Variants in ZFAT observed in about 807,000 individuals in gnomAD.
ZFAT encodes the protein zinc finger protein ZFAT.
Under a neutral mutation model 117.7 loss-of-function variants are expected in ZFAT, and 64 were observed. The ratio of observed to expected loss-of-function variants is 0.54; its 90% confidence interval spans 0.44 to 0.67. The LOEUF (loss-of-function observed/expected upper bound fraction) is 0.67. Ranked by LOEUF, ZFAT falls within the 30% of genes least tolerant of loss-of-function variation. ZFAT has a pLI of 0.00. For synonymous variants in ZFAT, 679 were observed against 615.0 expected (o/e 1.10, Z -1.54); for missense variants, 1,433 against 1,584.5 (o/e 0.90, Z 1.62).
chr8:134,732,603 G>A, the ZFAT span, among the ~76,000 whole-genome samples: 6 of 152,346 alleles, frequency 3.9e-5, no homozygotes, highest in South Asian at 2.1e-4. Context: ...GGGGTAGGGT[G>A]AAGTTCTACT....
At chr8:134,819,291 G>A in the ZFAT span, among the ~76,000 whole-genome samples, 1 of 150,704 alleles carries the variant, frequency 6.6e-6, no homozygotes, top group African/African-American at 2.4e-5. Context: ...GGAAAAAAAA[G>A]AATGATCTTT....
At chr8:134,832,294 G>A in the ZFAT span, among the ~76,000 whole-genome samples, 1 of 151,950 alleles carries the variant, frequency 6.6e-6, no homozygotes, top group Non-Finnish European at 1.5e-5. Flanking sequence ...TCCCTCCAGT[G>A]TGTCTGAGGG....
At chr8:134,750,483 T>C in the ZFAT span, among the ~76,000 whole-genome samples, 2 of 152,168 alleles carry the variant, frequency 1.3e-5, no homozygotes, top group Non-Finnish European at 2.9e-5. Context: ...CAGTACAACA[T>C]TGACTAGAAG....
intron 1 of ZFAT, among the ~76,000 whole-genome samples, chr8:134,709,709 C>T (rs1296977784): frequency 6.6e-6 from 1 of 152,172 alleles, no homozygotes; most frequent in African/African-American, 2.4e-5. Context: ...TCTTGACTGC[C>T]CTTGCTCTAG....
chr8:134,783,473 C>T, the ZFAT span, among the ~76,000 whole-genome samples: 2 of 152,186 alleles, frequency 1.3e-5, no homozygotes, highest in Non-Finnish European at 2.9e-5. Flanking sequence ...ACACCTCCCC[C>T]CTTACCCCTG....
intron 15 of ZFAT, among the ~76,000 whole-genome samples, chr8:134,482,946 G>C (rs1817417472): frequency 6.6e-6 from 1 of 152,148 alleles, no homozygotes; most frequent in African/African-American, 2.4e-5. Flanking sequence ...TTCACAAGTG[G>C]CTCTGCTGGC....
At chr8:134,545,737 G>A (rs765576558) in intron 11 of ZFAT, among the ~76,000 whole-genome samples, 1 of 152,138 alleles carries the variant, frequency 6.6e-6, no homozygotes, top group South Asian at 2.1e-4. Flanking sequence ...GGTGACTTTT[G>A]GGACAGAGAA....
At chr8:134,827,211 C>A in the ZFAT span, among the ~76,000 whole-genome samples, 6 of 152,242 alleles carry the variant, frequency 3.9e-5, no homozygotes, top group South Asian at 1.2e-3. Flanking sequence ...GCCACCACAT[C>A]CAGCTAACTG....
intron 7 of ZFAT, among the ~76,000 whole-genome samples, chr8:134,597,321 A>G (rs984764652): frequency 6.6e-6 from 1 of 152,168 alleles, no homozygotes; most frequent in African/African-American, 2.4e-5. Context: ...ATGCTATCTT[A>G]CTATGTTGGC....
chr8:134,510,668 C>A, intron 14 of ZFAT: 1 of 156,060 alleles, frequency 6.4e-6, no homozygotes, highest in South Asian at 2.0e-4. Flanking sequence ...GCCAACCACT[C>A]CGAACATGCA....
At chr8:134,651,208 T>C (rs188429991) in intron 2 of ZFAT, among the ~76,000 whole-genome samples, 3 of 152,140 alleles carry the variant, frequency 2.0e-5, no homozygotes, top group Admixed American at 6.5e-5. Context: ...TGAAAACAAA[T>C]ATTCATGTGA....
At chr8:134,559,247 CTTTG>C (rs1263600952) in intron 11 of ZFAT, among the ~76,000 whole-genome samples, 1 of 152,170 alleles carries the variant, frequency 6.6e-6, no homozygotes. Flanking sequence ...GGTTATGTTT[CTTTG>C]TTTATTTTGC....
intron 1 of ZFAT, among the ~76,000 whole-genome samples, chr8:134,695,822 T>A (rs1485077480): frequency 2.2e-5 from 3 of 134,664 alleles, no homozygotes; most frequent in Non-Finnish European, 4.6e-5. Context: ...CCTGACTGCG[T>A]CTCTAATCAA....
At chr8:134,756,742 G>A in the ZFAT span, among the ~76,000 whole-genome samples, 2 of 152,238 alleles carry the variant, frequency 1.3e-5, no homozygotes, top group Non-Finnish European at 2.9e-5. Flanking sequence ...TTTAGGACAA[G>A]TGAAGGGCCA....
At chr8:134,507,424 C>A (rs1819498319) in intron 15 of ZFAT, among the ~76,000 whole-genome samples, 1 of 152,064 alleles carries the variant, frequency 6.6e-6, no homozygotes, top group South Asian at 2.1e-4. Context: ...AGGTGCGGGG[C>A]CAGGCAGACA....
upstream of ZFAT, among the ~76,000 whole-genome samples, chr8:134,715,944 A>C (rs1348557702): frequency 3.9e-5 from 6 of 152,136 alleles, no homozygotes; most frequent in Non-Finnish European, 8.8e-5. Flanking sequence ...GTTTTGATAA[A>C]GGATACATAC....
rs569616170 is a variant in ZFAT, at chr8:134,669,375, G to C, written c.20-11638C>G. ...CAGAAAAGTCGGGTTACCCACAAAG[G>C]GAAGCCCATCTGACTAACAACGGAT... is the stretch of plus-strand genomic sequence containing the variant. On this transcript the variant is annotated intron_variant, in intron 1 of 15. Transcript: ENST00000377838. Among the ~76,000 whole-genome samples, 16 of 152,284 alleles carry C rather than the reference G, an allele frequency of 1.1e-4. No homozygotes were observed. The East Asian group carries it at 3.1e-3, about 29-fold the overall frequency.
intron 1 of ZFAT, among the ~76,000 whole-genome samples, chr8:134,670,982 T>C (rs200112804): frequency 6.6e-5 from 10 of 151,804 alleles, no homozygotes; most frequent in African/African-American, 2.4e-4. Context: ...CACCTCTATG[T>C]AAATAAACTA....
At chr8:134,613,100 T>G (rs1828459587) in intron 3 of ZFAT, among the ~76,000 whole-genome samples, 1 of 152,128 alleles carries the variant, frequency 6.6e-6, no homozygotes, top group Non-Finnish European at 1.5e-5. Flanking sequence ...GAAACAACAT[T>G]TTACAGAATT....
Sources: allele counts gnomAD v4.1 joint callset (sites outside exome capture counted in the v4.1 genomes callset), GRCh38; gene constraint gnomAD v4.1.1; transcripts MANE v1.5; gene names NCBI Gene and HGNC (gene_info 2026-07-23, HGNC 2026-07-21).